Variants in OSBPL3 observed in about 807,000 individuals in gnomAD.
OSBPL3 encodes the protein oxysterol-binding protein-related protein 3.
A neutral mutation model predicts 120.1 loss-of-function variants in OSBPL3; 65 were observed. That is an observed-to-expected ratio of 0.54 (90% CI 0.44 to 0.67). OSBPL3 has a LOEUF of 0.67. Among genes scored for constraint, OSBPL3 ranks in the 30% least tolerant of loss-of-function variants. OSBPL3 has a pLI of 0.00. For synonymous variants in OSBPL3, 416 were observed against 402.6 expected, an observed-to-expected ratio of 1.03 and a Z score of -0.40; for missense variants, 1,004 against 1,082.1, an observed-to-expected ratio of 0.93 and a Z score of 1.01.
intron 14 of OSBPL3, among the ~76,000 whole-genome samples, chr7:24,836,657 AAC>A (rs1797033753): frequency 6.6e-6 from 1 of 152,082 alleles, no homozygotes; most frequent in Admixed American, 6.5e-5. Flanking sequence ...TATATCAATA[AAC>A]ATACTTTGTT....
chr7:24,912,995 G>A lies in OSBPL3; in HGVS notation c.-149-20374C>T, dbSNP rs1809043909. Reference sequence around the variant, plus strand: ...CTAGCCAACATGGAAAGAACACATGGAGAGATCCATTCGGAAAAGAATGGC... The same window carrying A: ...CTAGCCAACATGGAAAGAACACATGAAGAGATCCATTCGGAAAAGAATGGC... On this transcript the variant is annotated intron_variant, in intron 1 of 22. Coordinates refer to ENST00000313367, the MANE Select transcript of OSBPL3 (RefSeq NM_015550.4). The surrounding 1 kb of genome is among the most constrained non-coding windows in gnomAD (Gnocchi z 4.5). Among the ~76,000 whole-genome samples the A allele has an allele frequency of 6.6e-6, 1 of 152,202 alleles. No individual in the cohort carries two copies. Among genetic ancestry groups the A allele is most frequent in the Non-Finnish European group, 1.5e-5 (1 of 68,046 alleles).
At chr7:24,832,951 T>C (rs1796575868) in intron 15 of OSBPL3, among the ~76,000 whole-genome samples, 1 of 152,194 alleles carries the variant, frequency 6.6e-6, no homozygotes, top group Non-Finnish European at 1.5e-5. Flanking sequence ...CACTGATCAA[T>C]CAGCTGAATA....
rs1812686755 is a variant in OSBPL3 at position 24,938,556 on chromosome 7, T to C, written c.-150+41330A>G. On this transcript the variant is annotated intron_variant, in intron 1 of 22. Transcript: ENST00000313367. This position sits in a 1 kb window ranked among gnomAD's most constrained non-coding sequence, Gnocchi z 5.8. ...AGGTCTCCTTAGGGACCAAGATGGCTTCTGAAACTCTAGTCATCACTCAAA... is the reference window on the plus strand; with the variant it reads ...AGGTCTCCTTAGGGACCAAGATGGCCTCTGAAACTCTAGTCATCACTCAAA... Among the ~76,000 whole-genome samples the C allele has an allele frequency of 6.6e-6, 1 of 152,168 alleles. No individual in the cohort carries two copies. Among genetic ancestry groups the C allele is most frequent in the South Asian group, 2.1e-4 (1 of 4,832 alleles).
chr7:24,979,787 G>T, intron 1 of OSBPL3, 99 bp downstream of exon 1: 2 of 665,764 alleles, frequency 3.0e-6, no homozygotes, highest in Non-Finnish European at 3.7e-6. Context: ...GTCCGGCAGA[G>T]AACCGCGGCG....
intron 7 of OSBPL3, among the ~76,000 whole-genome samples, chr7:24,864,752 C>T (rs990827969): frequency 2.6e-5 from 4 of 152,162 alleles, no homozygotes; most frequent in East Asian, 1.9e-4. Flanking sequence ...TTTTAGTTCC[C>T]TAAGTCAGTC....
intron 5 of OSBPL3, among the ~76,000 whole-genome samples, chr7:24,869,773 C>T (rs1022818376): frequency 2.6e-5 from 4 of 152,200 alleles, no homozygotes; most frequent in African/African-American, 7.2e-5. Flanking sequence ...CAACAAACCA[C>T]AGGTATGTGG....
intron 1 of OSBPL3, among the ~76,000 whole-genome samples, chr7:24,944,763 T>C (rs1431474487): frequency 6.6e-6 from 1 of 152,224 alleles, no homozygotes; most frequent in East Asian, 1.9e-4. Flanking sequence ...TACCACAATA[T>C]GGTATTTGTA....
chr7:24,886,807 C>T (rs552914450), intron 2 of OSBPL3, among the ~76,000 whole-genome samples: 6 of 152,308 alleles, frequency 3.9e-5, no homozygotes, highest in Admixed American at 2.6e-4. Context: ...CAAATCCTGT[C>T]GTGGGGCCTG....
At chr7:24,975,742 T>A (rs905133283) in intron 1 of OSBPL3, among the ~76,000 whole-genome samples, 5 of 152,270 alleles carry the variant, frequency 3.3e-5, no homozygotes, top group African/African-American at 9.6e-5. Context: ...AGGAAGGACA[T>A]CAGCAACAGA....
rs1468858681 is a variant in OSBPL3 at position 24,939,906 on chromosome 7, T to C, written c.-150+39980A>G. Among the ~76,000 whole-genome samples, 2 of 152,142 alleles carry C rather than the reference T, an allele frequency of 1.3e-5. No individual in the cohort carries two copies. The highest frequency in any genetic ancestry group is 2.9e-5 in the Non-Finnish European group (2 of 68,006). On this transcript the variant is annotated intron_variant, in intron 1 of 22. Coordinates refer to ENST00000313367, the MANE Select transcript of OSBPL3 (RefSeq NM_015550.4). The surrounding 1 kb of genome is among the most constrained non-coding windows in gnomAD (Gnocchi z 4.2). Reference sequence around the variant, plus strand: ...ATGCATGCAGGTCTTAAAACCTAGATGATGGGTTGGCAGGTGCAGCAAATC... The same window carrying C: ...ATGCATGCAGGTCTTAAAACCTAGACGATGGGTTGGCAGGTGCAGCAAATC...
At position 24,968,539 on chromosome 7, in the gene OSBPL3, G is replaced by A. The variant is rs950036354; in HGVS notation, c.-150+11347C>T. On this transcript the variant is annotated intron_variant, in intron 1 of 22. Transcript: ENST00000313367. This position sits in a 1 kb window ranked among gnomAD's most constrained non-coding sequence, Gnocchi z 4.6. Reference sequence around the variant, plus strand: ...CACCTCCTGCGTAGCCGGGATTACAGGCACACACCACCACGCCCAGCTAAT... The same window carrying A: ...CACCTCCTGCGTAGCCGGGATTACAAGCACACACCACCACGCCCAGCTAAT... Among the ~76,000 whole-genome samples, 1 of 152,144 alleles carries A rather than the reference G, an allele frequency of 6.6e-6. No individual in the cohort carries two copies. Among genetic ancestry groups the A allele is most frequent in the Non-Finnish European group, 1.5e-5 (1 of 68,024 alleles).
At chr7:24,895,489 T>G (rs1180180603) in intron 1 of OSBPL3, among the ~76,000 whole-genome samples, 2 of 152,190 alleles carry the variant, frequency 1.3e-5, no homozygotes, top group Non-Finnish European at 2.9e-5. Flanking sequence ...TGATGTCACA[T>G]TTCTCACAGT....
chr7:24,841,055 G>T (rs1036080283), intron 13 of OSBPL3, among the ~76,000 whole-genome samples: 11 of 152,144 alleles, frequency 7.2e-5, no homozygotes, highest in Non-Finnish European at 1.6e-4. Flanking sequence ...TATTAATTCT[G>T]ACTGCATTTT....
chr7:24,966,901 T>A lies in OSBPL3; in HGVS notation c.-150+12985A>T, dbSNP rs992624758. ...TTATGTCAACAAATAATCATTTTTT[T>A]ATTTACCGCCACTTTGCTTATTCCC... On this transcript the variant is annotated intron_variant, in intron 1 of 22. Transcript: ENST00000313367. The surrounding 1 kb of genome is among the most constrained non-coding windows in gnomAD (Gnocchi z 4.8). Among the ~76,000 whole-genome samples the A allele has an allele frequency of 6.6e-6, 1 of 152,226 alleles. No homozygotes were observed. The highest frequency in any genetic ancestry group is 1.5e-5 in the Non-Finnish European group (1 of 68,050).
At chr7:24,901,485 C>T (rs1023476301) in intron 1 of OSBPL3, among the ~76,000 whole-genome samples, 12 of 152,212 alleles carry the variant, frequency 7.9e-5, no homozygotes, top group East Asian at 5.8e-4. Flanking sequence ...CACATATGTA[C>T]CTGTCTTTGA....
At chr7:24,969,734 T>A (rs866244701) in intron 1 of OSBPL3, among the ~76,000 whole-genome samples, 28 of 152,276 alleles carry the variant, frequency 1.8e-4, no homozygotes, top group Middle Eastern at 3.4e-3. Context: ...AACTTTCCAG[T>A]ATTTTGATAT....
In OSBPL3 at chr7:24,913,570, C is replaced by T. The variant is rs181386836; in HGVS notation, c.-149-20949G>A. 5.9e-5 allele frequency among the ~76,000 whole-genome samples: 9 copies of T among 152,218 alleles called. No individual in the cohort carries two copies. The East Asian group carries it at 1.5e-3, about 26-fold the overall frequency. On this transcript the variant is annotated intron_variant, in intron 1 of 22. Transcript: ENST00000313367. This position sits in a 1 kb window ranked among gnomAD's most constrained non-coding sequence, Gnocchi z 5.3. ...AAGGCCGGTATGTGTCTGATAGTGA[C>T]AGACACATCACAAAGTGACACTGGG...
chr7:24,826,282 G>A (rs1362797918), intron 16 of OSBPL3, among the ~76,000 whole-genome samples: 2 of 152,184 alleles, frequency 1.3e-5, no homozygotes, highest in African/African-American at 4.8e-5. Context: ...TTGGCACAAA[G>A]GAAACCTCTG....
Position 24,841,717 on chromosome 7 carries a change from A to AAAAAAAAAAAAG in OSBPL3, c.1401+561_1401+562insCTTTTTTTTTTT, listed in dbSNP as rs70942886. Among the ~76,000 whole-genome samples the AAAAAAAAAAAAG allele has an allele frequency of 3.4e-3, 279 of 82,790 alleles. 77 individuals carry two copies. The highest frequency in any genetic ancestry group is 0.022 in the Middle Eastern group (3 of 136). 54.3% of individuals were successfully genotyped at this position (82,790 alleles called of 152,430 possible). A position where few individuals can be genotyped will look rare whatever the true frequency, so the allele number is the denominator to read the frequency against. ...CTCAAAAAAAAAAAAAAAAAAAAAA[A>AAAAAAAAAAAAG]AAAAGAGGCCAGGCACAGTGGCTCA... On this transcript the variant is annotated intron_variant, in intron 13 of 22. Transcript: ENST00000313367.
Sources: gnomAD v4.1 joint callset for allele counts (sites outside exome capture counted in the v4.1 genomes callset) on GRCh38, gnomAD v4.1.1 for gene constraint, Gnocchi (gnomAD v3.1) non-coding constraint, MANE v1.5 for transcripts, NCBI Gene and HGNC (gene_info 2026-07-23, HGNC 2026-07-21) for gene names.